Variants in ANO10 observed in about 807,000 individuals in gnomAD.
ANO10 encodes anoctamin-10.
ANO10 carries 77 observed loss-of-function variants against 74.7 expected under a neutral mutation model. The ratio of observed to expected loss-of-function variants is 1.03; its 90% CI spans 0.86 to 1.25. The LOEUF (loss-of-function observed/expected upper bound fraction) is 1.25. Among genes scored for constraint, ANO10 ranks in the 50% most tolerant of loss-of-function variants. ANO10 has a pLI of 0.00. For missense variants in ANO10, 721 were observed against 778.1 expected (o/e 0.93, Z 0.87); for synonymous variants, 279 against 284.9 (o/e 0.98, Z 0.21).
At chr3:43,587,755 A>G (rs745506199) in intron 4 of ANO10, among the ~76,000 whole-genome samples, 7 of 152,178 alleles carry the variant, frequency 4.6e-5, no homozygotes, top group Non-Finnish European at 8.8e-5. Context: ...GTGACACAGT[A>G]ATATCCTCAA....
rs954001108 is a variant in ANO10, at chr3:43,365,981, C to T, written c.*925G>A. On this transcript the variant is annotated 3_prime_UTR_variant, in exon 13 of 13. Transcript: ENST00000292246. ...ACTGGCCTACATGGCATTCTTGTGC[C>T]TGTGAATGCAGGGCAGTCCATGGAC... The T allele has an allele frequency of 6.6e-6, 1 of 152,560 alleles. No individual in the cohort carries two copies. The highest frequency in any genetic ancestry group is 2.4e-5 in the African/African-American group (1 of 41,474). 9.5% of individuals were successfully genotyped at this position (152,560 alleles called of 1,614,324 possible).
intron 1 of ANO10, among the ~76,000 whole-genome samples, chr3:43,663,160 C>G (rs1275224699): frequency 1.3e-5 from 2 of 152,092 alleles, no homozygotes; most frequent in Non-Finnish European, 2.9e-5. Flanking sequence ...GCTGGCAAAC[C>G]GAATCCAGTA....
At chr3:43,485,379 G>C (rs760457702) in intron 11 of ANO10, 3 of 450,450 alleles carry the variant, frequency 6.7e-6, no homozygotes, top group East Asian at 9.9e-5. Context: ...GCTCCTGATC[G>C]GGCTAAAGAC....
At chr3:43,638,439 C>T (rs1404431368) in intron 1 of ANO10, among the ~76,000 whole-genome samples, 4 of 152,110 alleles carry the variant, frequency 2.6e-5, no homozygotes, top group African/African-American at 9.7e-5. Flanking sequence ...TTTTAGTCTT[C>T]AGAATCAAGC....
At chr3:43,526,450 C>T (rs541706084) in intron 11 of ANO10, among the ~76,000 whole-genome samples, 1 of 151,988 alleles carries the variant, frequency 6.6e-6, no homozygotes, top group Non-Finnish European at 1.5e-5. Flanking sequence ...GATTAACTGA[C>T]CAGGGAAACA....
At chr3:43,454,479 G>C (rs188754944) in intron 11 of ANO10, among the ~76,000 whole-genome samples, 79 of 152,204 alleles carry the variant, frequency 5.2e-4, no homozygotes, top group Admixed American at 2.1e-3. Context: ...CTGGCCATCA[G>C]AGAGAGTGGG....
chr3:43,691,032 G>C lies in ANO10; in HGVS notation c.-12+485C>G, dbSNP rs773970748. 1.3e-5 allele frequency: 21 copies of C among 1,560,372 alleles called. No individual in the cohort carries two copies. Among genetic ancestry groups the C allele is most frequent in the Non-Finnish European group, 1.8e-5 (21 of 1,155,568 alleles). ...GGAGGAGGTGGACTCTGCCGACACC[G>C]GAGAGAGGTAAGCGCAGCCGGCAGG... On this transcript the variant is annotated intron_variant, in intron 1 of 3. Coordinates refer to the ANO10 transcript ENST00000413397.
intron 1 of ANO10, among the ~76,000 whole-genome samples, chr3:43,657,979 C>T (rs2083876430): frequency 6.6e-6 from 1 of 151,918 alleles, no homozygotes; most frequent in Non-Finnish European, 1.5e-5. Flanking sequence ...TATTTTTTTC[C>T]TAGGGTTATA....
At chr3:43,559,918 C>A (rs1391374430) in intron 9 of ANO10, among the ~76,000 whole-genome samples, 3 of 152,124 alleles carry the variant, frequency 2.0e-5, no homozygotes, top group African/African-American at 7.2e-5. Flanking sequence ...AGGTGTGTGT[C>A]TTTTCTCTAT....
chr3:43,506,236 G>A (rs1456902595), intron 11 of ANO10, among the ~76,000 whole-genome samples: 4 of 152,120 alleles, frequency 2.6e-5, no homozygotes, highest in African/African-American at 7.2e-5. Flanking sequence ...AAACCTGAGG[G>A]TCATCTGTGA....
At chr3:43,372,892 G>A in intron 12 of ANO10, 1 of 1,518,142 alleles carries the variant, frequency 6.6e-7, no homozygotes, top group South Asian at 1.2e-5. Context: ...AGTAACCTCA[G>A]TGTAATTCCG....
At chr3:43,527,957 C>T (rs2078281227) in intron 11 of ANO10, among the ~76,000 whole-genome samples, 4 of 152,088 alleles carry the variant, frequency 2.6e-5, no homozygotes, top group Admixed American at 2.6e-4. Flanking sequence ...GCTCAGGTAT[C>T]TCCTGGAGGC....
chr3:43,563,771 G>T (rs1352768220), intron 8 of ANO10, among the ~76,000 whole-genome samples: 3 of 152,120 alleles, frequency 2.0e-5, no homozygotes, highest in Non-Finnish European at 4.4e-5. Flanking sequence ...AATATCACAG[G>T]CTCCCACTCA....
chr3:43,378,919 C>T (rs1359689550), intron 12 of ANO10, among the ~76,000 whole-genome samples: 1 of 152,192 alleles, frequency 6.6e-6, no homozygotes, highest in Non-Finnish European at 1.5e-5. Context: ...CTCATTCCCA[C>T]CTAGAAACCT....
At chr3:43,689,626 C>G (rs2084324970) in intron 1 of ANO10, 1 of 152,190 alleles carries the variant, frequency 6.6e-6, no homozygotes, top group Admixed American at 6.5e-5. Flanking sequence ...CCATTCCTAT[C>G]CTAGAGGACT....
At position 43,383,988 on chromosome 3, in the gene ANO10, T is replaced by A. The variant is rs117224430; in HGVS notation, c.1915-17014A>T. 7.8e-4 allele frequency among the ~76,000 whole-genome samples: 119 copies of A among 152,322 alleles called. 3 individuals are homozygous for A. The East Asian group carries it at 0.021, about 27-fold the overall frequency. On this transcript the variant is annotated intron_variant, in intron 12 of 12. Transcript: ENST00000292246. ...AAGAGGAAATCAAACTGCTGCTGTT[T>A]GCTGATGACACGATCATATACCTAA...
intron 12 of ANO10, among the ~76,000 whole-genome samples, chr3:43,381,999 T>C (rs2091972254): frequency 6.6e-6 from 1 of 152,148 alleles, no homozygotes; most frequent in Admixed American, 6.5e-5. Flanking sequence ...AAGATGGAAA[T>C]TAAAAAATTA....
chr3:43,594,491 C>A (rs968096097), intron 4 of ANO10, among the ~76,000 whole-genome samples: 2 of 152,192 alleles, frequency 1.3e-5, no homozygotes, highest in African/African-American at 2.4e-5. Flanking sequence ...AGAAACTGAA[C>A]AACCTGCTCC....
At chr3:43,470,595 A>AC (rs1559580700) in intron 11 of ANO10, among the ~76,000 whole-genome samples, 1 of 88,846 alleles carries the variant, frequency 1.1e-5, no homozygotes, top group East Asian at 3.5e-4. Flanking sequence ...CCTGGTAATT[A>AC]TTTTATTTAT....
Sources: gnomAD v4.1 joint callset for allele counts (sites outside exome capture counted in the v4.1 genomes callset) on GRCh38, gnomAD v4.1.1 for gene constraint, MANE v1.5 for transcripts, NCBI Gene and HGNC (gene_info 2026-07-23, HGNC 2026-07-21) for gene names.